Variants in CCDC91 observed in about 807,000 individuals in gnomAD.
CCDC91 encodes coiled-coil domain-containing protein 91.
A neutral mutation model predicts 63.2 loss-of-function variants in CCDC91; 48 were observed. The observed-to-expected ratio is 0.76, with a 90% CI of 0.60 to 0.97. The LOEUF (loss-of-function observed/expected upper bound fraction) is 0.97. Ranked by LOEUF, CCDC91 falls within the 50% of genes least tolerant of loss-of-function variation. The pLI, the probability that CCDC91 is intolerant of heterozygous loss-of-function variation, is 0.00. For synonymous variants in CCDC91, 167 were observed against 165.8 expected, an observed-to-expected ratio of 1.01 and a Z score of -0.06; for missense variants, 500 against 494.6, an observed-to-expected ratio of 1.01 and a Z score of -0.10.
chr12:28,363,125 G>A (rs1944013272), intron 7 of CCDC91, among the ~76,000 whole-genome samples: 1 of 152,024 alleles, frequency 6.6e-6, no homozygotes, highest in Non-Finnish European at 1.5e-5. Context: ...GGATGAATAT[G>A]TTTTTATTGA....
chr12:28,240,334 AT>A (rs1401081943), intron 1 of CCDC91, among the ~76,000 whole-genome samples: 1 of 152,108 alleles, frequency 6.6e-6, no homozygotes, highest in Non-Finnish European at 1.5e-5. Context: ...GTCTAGTTTT[AT>A]TGATTACTTC....
intron 3 of CCDC91, among the ~76,000 whole-genome samples, chr12:28,276,917 C>T (rs934300735): frequency 2.0e-5 from 3 of 151,706 alleles, no homozygotes; most frequent in African/African-American, 7.3e-5. Flanking sequence ...AGAGAAATTT[C>T]AGCTGTTTGT....
At chr12:28,338,323 TTTTTTA>T (rs944966336) in intron 6 of CCDC91, among the ~76,000 whole-genome samples, 1 of 151,966 alleles carries the variant, frequency 6.6e-6, no homozygotes, top group Non-Finnish European at 1.5e-5. Context: ...AGTGTTTTTT[TTTTTTA>T]TTATTATACT....
At chr12:28,415,263 G>T (rs1192325906) in intron 8 of CCDC91, among the ~76,000 whole-genome samples, 3 of 148,798 alleles carry the variant, frequency 2.0e-5, no homozygotes, top group Non-Finnish European at 4.4e-5. Context: ...TGCTGTTGTT[G>T]CCCAGGCTGG....
At chr12:28,430,676 A>C (rs577588683) in intron 8 of CCDC91, among the ~76,000 whole-genome samples, 2 of 152,276 alleles carry the variant, frequency 1.3e-5, no homozygotes, top group African/African-American at 4.8e-5. Context: ...TTAGCCTAAA[A>C]ATTATTCCAC....
chr12:28,416,687 G>A (rs1947683700), intron 8 of CCDC91, among the ~76,000 whole-genome samples: 1 of 152,062 alleles, frequency 6.6e-6, no homozygotes, highest in Non-Finnish European at 1.5e-5. Context: ...CTACTACTAA[G>A]TTAGATTCTT....
chr12:28,361,558 C>G (rs950546506), intron 6 of CCDC91, among the ~76,000 whole-genome samples: 2 of 150,480 alleles, frequency 1.3e-5, no homozygotes, highest in African/African-American at 4.8e-5. Flanking sequence ...ATTAAATATT[C>G]CTTTTGCTGT....
chr12:28,509,755 G>T (rs12811702), intron 12 of CCDC91, among the ~76,000 whole-genome samples: 16,150 of 151,884 alleles, frequency 0.11, 1,197 homozygotes, highest in Admixed American at 0.14. Flanking sequence ...ATGATTATGG[G>T]AACAAGAGAG....
intron 11 of CCDC91, among the ~76,000 whole-genome samples, chr12:28,481,866 A>G (rs1347222803): frequency 6.6e-6 from 1 of 151,984 alleles, no homozygotes; most frequent in Non-Finnish European, 1.5e-5. Context: ...GGTATTAATA[A>G]TATAAACACT....
intron 3 of CCDC91, among the ~76,000 whole-genome samples, chr12:28,297,941 G>A (rs1251915347): frequency 2.0e-5 from 3 of 151,492 alleles, no homozygotes; most frequent in South Asian, 2.1e-4. Context: ...GTCTATATAC[G>A]TGGACAATAT....
chr12:28,480,290 T>G (rs533792695), intron 11 of CCDC91, among the ~76,000 whole-genome samples: 2 of 152,168 alleles, frequency 1.3e-5, no homozygotes, highest in African/African-American at 4.8e-5. Context: ...TAAGGTTTTC[T>G]CTGACCATTG....
rs546246566 is a variant in CCDC91, at chr12:28,450,893, T to C, written c.924+475T>C. 4.0e-5 allele frequency among the ~76,000 whole-genome samples: 6 copies of C among 151,880 alleles called. No individual in the cohort carries two copies. In the East Asian group the frequency reaches 1.2e-3, roughly 29 times the overall value. On this transcript the variant is annotated intron_variant, in intron 10 of 12. Transcript: ENST00000536442. ...GCAAACAAATATTGAATGTCTCATA[T>C]CTGTGTATCACTATGCCAGGGTTAA...
At chr12:28,474,532 CTAAAGAT>C (rs1950982705) in intron 11 of CCDC91, among the ~76,000 whole-genome samples, 1 of 151,862 alleles carries the variant, frequency 6.6e-6, no homozygotes, top group African/African-American at 2.4e-5. Flanking sequence ...TTTTAAGCCA[CTAAAGAT>C]TAATGTTGTT....
At chr12:28,373,624 T>G (rs199512068) in intron 7 of CCDC91, among the ~76,000 whole-genome samples, 1 of 146,218 alleles carries the variant, frequency 6.8e-6, no homozygotes, top group Non-Finnish European at 1.5e-5. Context: ...ATTTTTTTTT[T>G]GAATAAATGC....
chr12:28,200,855 G>A (rs1230942059), intron 1 of CCDC91, among the ~76,000 whole-genome samples: 1 of 151,428 alleles, frequency 6.6e-6, no homozygotes, highest in Non-Finnish European at 1.5e-5. Context: ...GGGCGGCTGG[G>A]CAGAGGCGCC....
chr12:28,545,512 A>T (rs766204735), intron 12 of CCDC91, among the ~76,000 whole-genome samples: 9 of 152,098 alleles, frequency 5.9e-5, no homozygotes, highest in Non-Finnish European at 1.0e-4. Flanking sequence ...CAGCTTTGTG[A>T]TGGCCCAATC....
intron 7 of CCDC91, among the ~76,000 whole-genome samples, chr12:28,368,877 C>A (rs887553689): frequency 2.6e-5 from 4 of 151,836 alleles, no homozygotes; most frequent in Non-Finnish European, 4.4e-5. Context: ...CACTTTTAAA[C>A]CGTCAGATCT....
chr12:28,266,139 A>G (rs1565695654), intron 3 of CCDC91, among the ~76,000 whole-genome samples: 2 of 152,000 alleles, frequency 1.3e-5, no homozygotes, highest in Admixed American at 1.3e-4. Flanking sequence ...ACATATAAAT[A>G]CTAGTCTTGA....
chr12:28,229,965 C>A (rs1328303972), intron 1 of CCDC91, among the ~76,000 whole-genome samples: 2 of 152,096 alleles, frequency 1.3e-5, no homozygotes, highest in Non-Finnish European at 2.9e-5. Context: ...GATACCTGTT[C>A]TTTATCTTTG....
Sources: allele counts gnomAD v4.1 joint callset (sites outside exome capture counted in the v4.1 genomes callset), GRCh38; gene constraint gnomAD v4.1.1; transcripts MANE v1.5; gene names NCBI Gene and HGNC (gene_info 2026-07-23, HGNC 2026-07-21).